BARX2: variants seen among roughly 807,000 people sequenced by gnomAD.
The protein encoded by BARX2 is homeobox protein BarH-like 2.
A neutral mutation model predicts 25.5 loss-of-function variants in BARX2; 11 were observed. The observed-to-expected ratio is 0.43, with a 90% CI of 0.27 to 0.71. The LOEUF is 0.71. Among genes scored for constraint, BARX2 ranks in the 30% least tolerant of loss-of-function variants. BARX2 has a pLI of 0.19. For synonymous variants in BARX2, 137 were observed against 149.5 expected, an observed-to-expected ratio of 0.92 and a Z score of 0.61; for missense variants, 360 against 359.9, an observed-to-expected ratio of 1.00 and a Z score of 0.00.
At chr11:129,379,338 A>C (rs1393505468) in intron 1 of BARX2, among the ~76,000 whole-genome samples, 2 of 152,168 alleles carry the variant, frequency 1.3e-5, no homozygotes, top group African/African-American at 4.8e-5. Context: ...TTAGTATATA[A>C]AAAGTTGGTT....
intron 1 of BARX2, among the ~76,000 whole-genome samples, chr11:129,419,032 C>T (rs907248095): frequency 6.6e-6 from 1 of 152,200 alleles, no homozygotes; most frequent in African/African-American, 2.4e-5. Flanking sequence ...TGTCCCAAAG[C>T]TGCGCACATG....
chr11:129,451,720 C>A lies in BARX2; in HGVS notation c.*318C>A. The A allele has an allele frequency of 3.2e-6, 1 of 308,890 alleles. No homozygotes were observed. The highest frequency in any genetic ancestry group is 6.3e-5 in the South Asian group (1 of 15,960). 19.1% of individuals were successfully genotyped at this position (308,890 alleles called of 1,614,324 possible). A position where few individuals can be genotyped will look rare whatever the true frequency, so the allele number is the denominator to read the frequency against. On this transcript the variant is annotated 3_prime_UTR_variant, in exon 4 of 4. Transcript: ENST00000281437. The stretch of plus-strand genomic sequence containing the variant: ...TGGGTCTATGTTGCAAGCCCTATAT[C>A]CTAGCATGCAGTGGAAAGTGCTTAG...
At chr11:129,420,241 C>T (rs1005074293) in intron 1 of BARX2, among the ~76,000 whole-genome samples, 10 of 152,114 alleles carry the variant, frequency 6.6e-5, no homozygotes, top group African/African-American at 2.4e-4. Flanking sequence ...TTTGGATTGG[C>T]TGTTAATACA....
intron 1 of BARX2, among the ~76,000 whole-genome samples, chr11:129,419,740 G>A (rs1027852784): frequency 4.6e-5 from 7 of 151,890 alleles, no homozygotes; most frequent in Admixed American, 2.0e-4. Context: ...GACTCTTCCT[G>A]AGGCCCTCAC....
chr11:129,414,778 A>G (rs961912751), intron 1 of BARX2, among the ~76,000 whole-genome samples: 2 of 152,364 alleles, frequency 1.3e-5, no homozygotes, highest in Non-Finnish European at 2.9e-5. Flanking sequence ...AGGTATGTGA[A>G]GATACTACCT....
At chr11:129,445,400 GTGCCC>G (rs1862313876) in intron 3 of BARX2, among the ~76,000 whole-genome samples, 1 of 152,224 alleles carries the variant, frequency 6.6e-6, no homozygotes, top group Non-Finnish European at 1.5e-5. Context: ...GCACCGCCCA[GTGCCC>G]GTGGGCCAAT....
intron 1 of BARX2, among the ~76,000 whole-genome samples, chr11:129,412,088 T>C (rs1389770939): frequency 2.0e-5 from 3 of 152,124 alleles, no homozygotes; most frequent in Admixed American, 1.3e-4. Flanking sequence ...CTGGCTAACA[T>C]GGTGAAACCC....
chr11:129,421,989 A>C (rs756628481), intron 1 of BARX2, among the ~76,000 whole-genome samples: 2 of 152,152 alleles, frequency 1.3e-5, no homozygotes, highest in Non-Finnish European at 2.9e-5. Flanking sequence ...TGTCAGTTAA[A>C]TGCCACTCTT....
At chr11:129,433,062 C>G (rs533750441) in intron 1 of BARX2, among the ~76,000 whole-genome samples, 3 of 152,296 alleles carry the variant, frequency 2.0e-5, no homozygotes, top group African/African-American at 7.2e-5. Context: ...AACCCAACCT[C>G]TATCTGACTG....
intron 1 of BARX2, among the ~76,000 whole-genome samples, chr11:129,401,875 G>A (rs1861779029): frequency 6.6e-6 from 1 of 151,290 alleles, no homozygotes; most frequent in Non-Finnish European, 1.5e-5. Context: ...AGAATCGCTT[G>A]AACCCAGAAG....
At chr11:129,435,394 G>T (rs1199708461) in intron 1 of BARX2, among the ~76,000 whole-genome samples, 1 of 152,206 alleles carries the variant, frequency 6.6e-6, no homozygotes, top group East Asian at 1.9e-4. Flanking sequence ...GTGACTGGGG[G>T]CCAAACAAAG....
At chr11:129,375,532 GT>G (rs1861490938), upstream of BARX2, among the ~76,000 whole-genome samples, 3 of 152,136 alleles carry the variant, frequency 2.0e-5, no homozygotes, top group Non-Finnish European at 4.4e-5. The surrounding 1 kb of genome is among the most constrained non-coding windows in gnomAD (Gnocchi z 4.0). Flanking sequence ...GGCTGGGGCG[GT>G]GCGCGCTCCC....
intron 1 of BARX2, among the ~76,000 whole-genome samples, chr11:129,428,226 A>G (rs560401347): frequency 2.0e-4 from 30 of 152,368 alleles, no homozygotes; most frequent in African/African-American, 6.7e-4. Context: ...CACTGTCAGT[A>G]GCAGATAATG....
intron 2 of BARX2, among the ~76,000 whole-genome samples, chr11:129,441,048 T>A (rs909352746): frequency 6.6e-5 from 10 of 152,180 alleles, no homozygotes; most frequent in Non-Finnish European, 8.8e-5. Context: ...GGCTCTCCAG[T>A]TGGTGCTGAG....
At chr11:129,434,421 TAAAAAAAAA>T (rs56344103) in intron 1 of BARX2, among the ~76,000 whole-genome samples, 2 of 76,378 alleles carry the variant, frequency 2.6e-5, no homozygotes, top group Admixed American at 1.9e-4. Flanking sequence ...AAAAAGTAAG[TAAAAAAAAA>T]AAAAAAAAAA....
chr11:129,383,432 C>G (rs1690346052), intron 1 of BARX2, among the ~76,000 whole-genome samples: 1 of 152,156 alleles, frequency 6.6e-6, no homozygotes, highest in Non-Finnish European at 1.5e-5. Context: ...CATATGATTG[C>G]TCTGAAGAAG....
intron 1 of BARX2, among the ~76,000 whole-genome samples, chr11:129,387,440 A>G (rs1231755199): frequency 6.6e-6 from 1 of 152,194 alleles, no homozygotes; most frequent in Non-Finnish European, 1.5e-5. Context: ...TTTAGGGTAA[A>G]TTTTAAATGT....
chr11:129,411,667 A>T (rs1861888528), intron 1 of BARX2, among the ~76,000 whole-genome samples: 1 of 152,240 alleles, frequency 6.6e-6, no homozygotes, highest in Admixed American at 6.5e-5. Context: ...CAAGTCAAGA[A>T]GAATTTGTTG....
chr11:129,414,006 C>G (rs1479380827), intron 1 of BARX2, among the ~76,000 whole-genome samples: 2 of 151,422 alleles, frequency 1.3e-5, no homozygotes, highest in Non-Finnish European at 2.9e-5. Flanking sequence ...GCAGAGCTTG[C>G]AGTGAGCCGA....
Sources: gnomAD v4.1 joint callset for allele counts (sites outside exome capture counted in the v4.1 genomes callset) on GRCh38, gnomAD v4.1.1 for gene constraint, Gnocchi (gnomAD v3.1) non-coding constraint, MANE v1.5 for transcripts, NCBI Gene and HGNC (gene_info 2026-07-23, HGNC 2026-07-21) for gene names.